The following PCDHGB2 variants were observed in gnomAD, a reference collection of about 807,000 sequenced individuals.
PCDHGB2 encodes the protein protocadherin gamma-B2.
A neutral mutation model predicts 59.3 loss-of-function variants in PCDHGB2; 55 were observed. That is an observed-to-expected ratio of 0.93 (90% CI 0.75 to 1.16). The LOEUF (loss-of-function observed/expected upper bound fraction) is 1.16. Among genes scored for constraint, PCDHGB2 ranks in the 50% most tolerant of loss-of-function variants. The pLI is 0.00. For missense variants in PCDHGB2, 1,228 were observed against 1,198.5 expected (o/e 1.02, Z -0.36); for synonymous variants, 516 against 512.0 (o/e 1.01, Z -0.11).
At position 141,477,910 on chromosome 5, in the gene PCDHGB2, G is replaced by C. The variant is rs766164142; in HGVS notation, c.2422-16897G>C. ...TGTCACGGGTGGTAGGCTGGGACGC[G>C]GATGCAGGGCACAATGCCTGGCTCT... On this transcript the variant is annotated intron_variant, in intron 1 of 3. Coordinates refer to ENST00000522605, the MANE Select transcript of PCDHGB2 (RefSeq NM_018923.3). This position sits in a 1 kb window ranked among gnomAD's most constrained non-coding sequence, Gnocchi z 4.9. 3 of 1,614,168 alleles carry C rather than the reference G, an allele frequency of 1.9e-6. No homozygotes were observed. Among genetic ancestry groups the C allele is most frequent in the Non-Finnish European group, 2.5e-6 (3 of 1,180,032 alleles).
At chr5:141,449,537 C>A (rs1377909573) in intron 1 of PCDHGB2, among the ~76,000 whole-genome samples, 1 of 146,334 alleles carries the variant, frequency 6.8e-6, no homozygotes, top group Non-Finnish European at 1.5e-5. Flanking sequence ...TGCAGTGAGC[C>A]GAGATCGCAC....
At chr5:141,501,313 ACAC>A (rs2099807743) in intron 2 of PCDHGB2, among the ~76,000 whole-genome samples, 1 of 151,686 alleles carries the variant, frequency 6.6e-6, no homozygotes, top group Non-Finnish European at 1.5e-5. Context: ...ACACACACAC[ACAC>A]ACACACACAC....
At chr5:141,456,341 C>G (rs950158154) in intron 1 of PCDHGB2, among the ~76,000 whole-genome samples, 4 of 152,034 alleles carry the variant, frequency 2.6e-5, no homozygotes, top group Admixed American at 1.3e-4. Context: ...TAAGGGTCCT[C>G]GGAAGAATGG....
intron 1 of PCDHGB2, chr5:141,410,849 CTT>C (rs759346998): frequency 0.032 from 4,298 of 136,266 alleles, no homozygotes; most frequent in South Asian, 0.069. Flanking sequence ...TTGTCTTTGT[CTT>C]TTTTTTTTTT....
chr5:141,426,173 G>A (rs2096919271), intron 1 of PCDHGB2: 1 of 155,348 alleles, frequency 6.4e-6, no homozygotes, highest in African/African-American at 2.4e-5. Flanking sequence ...TACGGATTGG[G>A]GTGCCCTCAA....
At position 141,374,771 on chromosome 5, in the gene PCDHGB2, G is replaced by A. The variant is rs1770825611; in HGVS notation, c.2421+12215G>A. 1 of 1,613,744 alleles carries A rather than the reference G, an allele frequency of 6.2e-7. No individual in the cohort carries two copies. The highest frequency in any genetic ancestry group is 8.5e-7 in the Non-Finnish European group (1 of 1,179,778). On this transcript the variant is annotated intron_variant, in intron 1 of 3. Transcript: ENST00000522605. ...CCGCTCAAGCGTCGCCCAAATTCTG[G>A]TAACAGTTCTAGATGTGAATGACAA...
At chr5:141,417,532 T>C (rs2096129143) in intron 1 of PCDHGB2, 1 of 284,726 alleles carries the variant, frequency 3.5e-6, no homozygotes, top group African/African-American at 2.2e-5. Flanking sequence ...ACTCGTAGTT[T>C]AAAAAAAATT....
intron 1 of PCDHGB2, chr5:141,389,992 T>C (rs1454071261): frequency 6.2e-7 from 1 of 1,614,010 alleles, no homozygotes; most frequent in South Asian, 1.1e-5. Flanking sequence ...CTCTTCCTCG[T>C]GGCCATGATT....
At chr5:141,405,047 G>T (rs754907464) in intron 1 of PCDHGB2, 1 of 1,613,944 alleles carries the variant, frequency 6.2e-7, no homozygotes, top group Non-Finnish European at 8.5e-7. Flanking sequence ...GGCTGTGGCA[G>T]TCGTCTCCTG....
chr5:141,465,056 G>A (rs908104635), intron 1 of PCDHGB2, among the ~76,000 whole-genome samples: 9 of 151,044 alleles, frequency 6.0e-5, no homozygotes, highest in Non-Finnish European at 1.3e-4. Context: ...ATATTTTTTT[G>A]AATTGTCTGT....
chr5:141,432,395 G>C lies in PCDHGB2; in HGVS notation c.2422-62412G>C, dbSNP rs748660079. The C allele has an allele frequency of 1.2e-6, 2 of 1,614,242 alleles. No homozygotes were observed. The highest frequency in any genetic ancestry group is 4.5e-5 in the East Asian group (2 of 44,882). On this transcript the variant is annotated intron_variant, in intron 1 of 3. Coordinates refer to ENST00000522605, the MANE Select transcript of PCDHGB2 (RefSeq NM_018923.3). The surrounding 1 kb of genome is among the most constrained non-coding windows in gnomAD (Gnocchi z 6.0). The stretch of plus-strand genomic sequence containing the variant: ...CGGGCACCCGCCCCTCAGCAGCAAC[G>C]TGTCGTTGAGCCTGTTCGTGCTGGA...
At chr5:141,422,434 T>C in intron 1 of PCDHGB2, 5 of 1,609,566 alleles carry the variant, frequency 3.1e-6, no homozygotes, top group Non-Finnish European at 3.4e-6. Context: ...TGGAAATTAT[T>C]ACAAATTGAT....
chr5:141,510,853 CTGT>C, intron 3 of PCDHGB2, 91 bp from the exon 4 acceptor site: 3 of 1,601,238 alleles, frequency 1.9e-6, no homozygotes, highest in Middle Eastern at 1.7e-4. Context: ...GCCCAGGGTG[CTGT>C]ATAGGCATTC....
At chr5:141,450,355 C>T (rs943649682) in intron 1 of PCDHGB2, among the ~76,000 whole-genome samples, 2 of 152,090 alleles carry the variant, frequency 1.3e-5, no homozygotes, top group Non-Finnish European at 2.9e-5. Context: ...TGAAACAGTT[C>T]CTCAGCCTTG....
At chr5:141,475,046 T>C (rs1430484084) in intron 1 of PCDHGB2, among the ~76,000 whole-genome samples, 1 of 152,274 alleles carries the variant, frequency 6.6e-6, no homozygotes, top group African/African-American at 2.4e-5. Context: ...CTTTGTATTT[T>C]CTAAAGATTT....
At chr5:141,465,466 C>T (rs1280373152) in intron 1 of PCDHGB2, among the ~76,000 whole-genome samples, 1 of 152,156 alleles carries the variant, frequency 6.6e-6, no homozygotes, top group African/African-American at 2.4e-5. Flanking sequence ...ACCAAATTGC[C>T]CTTGCTTCAT....
At position 141,490,979 on chromosome 5, in the gene PCDHGB2, C is replaced by T. The variant is rs1217345302; in HGVS notation, c.2422-3828C>T. 6.2e-7 allele frequency: 1 copy of T among 1,614,086 alleles called. No individual in the cohort carries two copies. The highest frequency in any genetic ancestry group is 8.5e-7 in the Non-Finnish European group (1 of 1,180,014). ...GAACACTCAGCCCCCCAGCGTCTCC[C>T]TCGCTCTGCTCCTCCTGGCTCCTTG... On this transcript the variant is annotated intron_variant, in intron 1 of 3. Transcript: ENST00000522605. This position sits in a 1 kb window ranked among gnomAD's most constrained non-coding sequence, Gnocchi z 5.4.
intron 1 of PCDHGB2, among the ~76,000 whole-genome samples, chr5:141,407,095 T>C (rs1242751445): frequency 6.6e-6 from 1 of 152,370 alleles, no homozygotes; most frequent in East Asian, 1.9e-4. Flanking sequence ...ATTGTTTTAT[T>C]TGTTTGTAAT....
At chr5:141,454,824 T>C (rs1231148585) in intron 1 of PCDHGB2, among the ~76,000 whole-genome samples, 1 of 127,218 alleles carries the variant, frequency 7.9e-6, no homozygotes, top group African/African-American at 3.3e-5. Flanking sequence ...TTTTTTTTTT[T>C]TGAGACAGAG....
Sources: allele counts gnomAD v4.1 joint callset (sites outside exome capture counted in the v4.1 genomes callset), GRCh38; gene constraint gnomAD v4.1.1; non-coding constraint Gnocchi (gnomAD v3.1); transcripts MANE v1.5; gene names NCBI Gene and HGNC (gene_info 2026-07-23, HGNC 2026-07-21).